MC2R: variants seen among roughly 807,000 people sequenced by gnomAD.
MC2R encodes the protein melanocortin 2 receptor.
Under a neutral mutation model 9.8 loss-of-function variants are expected in MC2R, and 9 were observed. The ratio of observed to expected loss-of-function variants is 0.92; its 90% CI spans 0.55 to 1.60. The LOEUF (loss-of-function observed/expected upper bound fraction) is 1.60. Among genes scored for constraint, MC2R ranks in the 40% most tolerant of loss-of-function variants. The pLI is 0.00. For missense variants in MC2R, 370 were observed against 389.0 expected (o/e 0.95, Z 0.41); for synonymous variants, 185 against 154.7 (o/e 1.20, Z -1.45).
intron 1 of MC2R, among the ~76,000 whole-genome samples, chr18:13,910,928 G>T (rs750712439): frequency 2.0e-5 from 3 of 152,204 alleles, no homozygotes; most frequent in Non-Finnish European, 2.9e-5. Context: ...CCCATCATGG[G>T]TGAAAGCATC....
chr18:13,885,488 T>C lies in MC2R; in HGVS notation c.31A>G (p.Ile11Val), dbSNP rs1381637307. The change falls in exon 2 of 2, where the codon ATC becomes GTC. Residue 11 changes from isoleucine (I) to valine (V), a missense_variant. By Grantham distance (29) the Ile-to-Val change is conservative. Coordinates refer to ENST00000327606, the MANE Select transcript of MC2R (RefSeq NM_000529.2). MKHIINSYEN[I>V]NNTARNNSDC... Reference sequence around the variant, plus strand: ...GAATTATTTCTTGCTGTGTTGTTGATGTTTTCATACGAGTTGATAATGTGC... The same window carrying C: ...GAATTATTTCTTGCTGTGTTGTTGACGTTTTCATACGAGTTGATAATGTGC... 3 of 1,614,194 alleles carry C rather than the reference T, an allele frequency of 1.9e-6. No homozygotes were observed. In the South Asian group the frequency reaches 3.3e-5, roughly 18 times the overall value.
intron 1 of MC2R, among the ~76,000 whole-genome samples, chr18:13,912,977 A>C (rs1252726988): frequency 6.6e-6 from 1 of 152,084 alleles, no homozygotes; most frequent in African/African-American, 2.4e-5. Context: ...CGGTGTGATC[A>C]TCTTGCAGGC....
chr18:13,885,326 TACA>T lies in MC2R; in HGVS notation c.190_192del (p.Cys64del). On this transcript the variant is annotated inframe_deletion, in exon 2 of 2. Coordinates refer to ENST00000327606, the MANE Select transcript of MC2R (RefSeq NM_000529.2). ...CCCAGCATATCAGATATGGCCAAGC[TACA>T]GATGAAAAAGTACATGGGTGCCTGG... The T allele has an allele frequency of 6.2e-7, 1 of 1,614,180 alleles. No individual in the cohort carries two copies. Among genetic ancestry groups the T allele is most frequent in the Non-Finnish European group, 8.5e-7 (1 of 1,180,028 alleles).
At chr18:13,914,261 AG>A (rs2045463345) in intron 1 of MC2R, among the ~76,000 whole-genome samples, 1 of 152,074 alleles carries the variant, frequency 6.6e-6, no homozygotes. Flanking sequence ...AGGCAGGGTG[AG>A]GGCTCCCGTC....
intron 1 of MC2R, among the ~76,000 whole-genome samples, chr18:13,889,838 A>G (rs1320874262): frequency 6.6e-6 from 1 of 152,144 alleles, no homozygotes; most frequent in Non-Finnish European, 1.5e-5. Flanking sequence ...TGTTGACAAT[A>G]CAAGGGAGTC....
Position 13,885,663 on chromosome 18 carries a change from A to G in MC2R, c.-128-17T>C, listed in dbSNP as rs1458148984. 10 of 874,284 alleles carry G rather than the reference A, an allele frequency of 1.1e-5. No homozygotes were observed. Among genetic ancestry groups the G allele is most frequent in the Non-Finnish European group, 1.4e-5 (8 of 557,934 alleles). The allele number at this position is 874,284 out of a possible 1,614,324, so 54.2% of individuals were successfully genotyped here. A position where few individuals can be genotyped will look rare whatever the true frequency, so the allele number is the denominator to read the frequency against. On this transcript the variant is annotated splice_polypyrimidine_tract_variant and intron_variant, in intron 1 of 1. Transcript: ENST00000327606. ...CCCAATCACCTAAAAGGGAGTATAC[A>G]GAAATATTAGTTGCAAAGTACACTA...
chr18:13,894,124 A>G (rs1407588048), intron 1 of MC2R, among the ~76,000 whole-genome samples: 1 of 150,014 alleles, frequency 6.7e-6, no homozygotes, highest in African/African-American at 2.5e-5. Context: ...TGAGAAATAG[A>G]AGCATGTGTG....
Position 13,885,167 on chromosome 18 carries a change from T to C in MC2R, c.352A>G (p.Ile118Val), listed in dbSNP as rs201056125. The C allele has an allele frequency of 6.2e-7, 1 of 1,614,114 alleles. No individual in the cohort carries two copies. The highest frequency in any genetic ancestry group is 1.7e-5 in the Admixed American group (1 of 60,018). The change falls in exon 2 of 2, where the codon ATC becomes GTC. Residue 118 changes from isoleucine to valine, a missense_variant. Coordinates refer to ENST00000327606, the MANE Select transcript of MC2R (RefSeq NM_000529.2). ...SLFVLSLLGS[I>V]FSLSVIAADR... Reference sequence around the variant, plus strand: ...GCAGCAATCACAGACAGGCTGAAGATGGAGCCAAGCAGGGAGAGGACAAAC... The same window carrying C: ...GCAGCAATCACAGACAGGCTGAAGACGGAGCCAAGCAGGGAGAGGACAAAC...
chr18:13,903,243 G>A (rs1198831101), intron 1 of MC2R, among the ~76,000 whole-genome samples: 1 of 152,196 alleles, frequency 6.6e-6, no homozygotes, highest in Non-Finnish European at 1.5e-5. Flanking sequence ...CACTGTTGGT[G>A]AGAATGAAAA....
intron 1 of MC2R, among the ~76,000 whole-genome samples, chr18:13,905,913 G>A (rs2045411252): frequency 6.6e-6 from 1 of 152,062 alleles, no homozygotes; most frequent in South Asian, 2.1e-4. Context: ...AAAATTAGCT[G>A]GGCATGATGA....
chr18:13,909,164 A>C (rs1026204105), intron 1 of MC2R, among the ~76,000 whole-genome samples: 2 of 151,912 alleles, frequency 1.3e-5, no homozygotes, highest in East Asian at 1.9e-4. Context: ...GATGACCTTG[A>C]AATTTTTAAG....
Position 13,883,586 on chromosome 18 carries a change from C to T in MC2R, c.*1039G>A, listed in dbSNP as rs966371778. 3.6e-5 allele frequency: 3 copies of T among 82,668 alleles called. No individual in the cohort carries two copies. The highest frequency in any genetic ancestry group is 4.4e-5 in the Non-Finnish European group (2 of 45,036). 5.1% of individuals were successfully genotyped at this position (82,668 alleles called of 1,614,324 possible). A position where few individuals can be genotyped will look rare whatever the true frequency, so the allele number is the denominator to read the frequency against. On this transcript the variant is annotated 3_prime_UTR_variant, in exon 2 of 2. Coordinates refer to ENST00000327606, the MANE Select transcript of MC2R (RefSeq NM_000529.2). ...AAAGCATGGGGAAAATACACACACA[C>T]ACACACACACACACACACACACACA...
At chr18:13,890,535 T>A (rs1193228177) in intron 1 of MC2R, among the ~76,000 whole-genome samples, 2 of 152,170 alleles carry the variant, frequency 1.3e-5, no homozygotes, top group African/African-American at 2.4e-5. Context: ...CTGGGGCTGA[T>A]CTGCACGTGT....
Position 13,885,657 on chromosome 18 carries a change from G to C in MC2R, c.-128-11C>G. 2 of 953,892 alleles carry C rather than the reference G, an allele frequency of 2.1e-6. No homozygotes were observed. The highest frequency in any genetic ancestry group is 3.1e-5 in the South Asian group (2 of 63,860). The allele number at this position is 953,892 out of a possible 1,614,324, so 59.1% of individuals were successfully genotyped here. ...AAATCTCCCAATCACCTAAAAGGGA[G>C]TATACAGAAATATTAGTTGCAAAGT... On this transcript the variant is annotated splice_polypyrimidine_tract_variant and intron_variant, in intron 1 of 1. Coordinates refer to ENST00000327606, the MANE Select transcript of MC2R (RefSeq NM_000529.2).
At position 13,911,424 on chromosome 18, in the gene MC2R, G is replaced by A. The variant is rs75595414; in HGVS notation, c.-129+4064C>T. On this transcript the variant is annotated intron_variant, in intron 1 of 1. Coordinates refer to ENST00000327606, the MANE Select transcript of MC2R (RefSeq NM_000529.2). Reference sequence around the variant, plus strand: ...AAAAGCATAAACTAGTTTATAACTGGTTTAGTTAGCCAAACAAATGCCATG... The same window carrying A: ...AAAAGCATAAACTAGTTTATAACTGATTTAGTTAGCCAAACAAATGCCATG... 1.0e-2 allele frequency among the ~76,000 whole-genome samples: 1,518 copies of A among 152,296 alleles called. 24 individuals are homozygous for A. The highest frequency in any genetic ancestry group is 0.035 in the African/African-American group (1,448 of 41,554).
At position 13,884,488 on chromosome 18, in the gene MC2R, A is replaced by C. The variant is rs140906835; in HGVS notation, c.*137T>G. 28 of 952,248 alleles carry C rather than the reference A, an allele frequency of 2.9e-5. No individual in the cohort carries two copies. In the East Asian group the frequency reaches 6.0e-4, roughly 21 times the overall value. The allele number at this position is 952,248 out of a possible 1,614,324, so 59.0% of individuals were successfully genotyped here. On this transcript the variant is annotated 3_prime_UTR_variant, in exon 2 of 2. Transcript: ENST00000327606. The stretch of plus-strand genomic sequence containing the variant: ...CACATAGAACCTAGCTATTAGAAAC[A>C]CTAGCTGGTGGGATCATCCTTGCAT...
At chr18:13,907,343 C>G (rs898437678) in intron 1 of MC2R, among the ~76,000 whole-genome samples, 1 of 152,182 alleles carries the variant, frequency 6.6e-6, no homozygotes, top group African/African-American at 2.4e-5. Context: ...AACTAGGCCT[C>G]TATCTCTCAC....
At position 13,882,140 on chromosome 18, in the gene MC2R, C is replaced by T. The variant is rs573056489; in HGVS notation, c.*2485G>A. 1.8e-4 allele frequency: 27 copies of T among 152,292 alleles called. 1 individual carries two copies. Among genetic ancestry groups the T allele is most frequent in the Admixed American group, 1.3e-3 (20 of 15,300 alleles). 9.4% of individuals were successfully genotyped at this position (152,292 alleles called of 1,614,324 possible). On this transcript the variant is annotated 3_prime_UTR_variant, in exon 2 of 2. Coordinates refer to ENST00000327606, the MANE Select transcript of MC2R (RefSeq NM_000529.2). The stretch of plus-strand genomic sequence containing the variant: ...GCTATCTGGTCCAAGGCTAGGTCAT[C>T]GATAAAGCTGAACACTCACAGTATC...
intron 1 of MC2R, among the ~76,000 whole-genome samples, chr18:13,897,514 C>A (rs954643209): frequency 6.6e-6 from 1 of 152,120 alleles, no homozygotes; most frequent in Non-Finnish European, 1.5e-5. Flanking sequence ...GGGCGCACAA[C>A]CTACTGAGAT....
Sources: gnomAD v4.1 joint callset for allele counts (sites outside exome capture counted in the v4.1 genomes callset) on GRCh38, gnomAD v4.1.1 for gene constraint, MANE v1.5 for transcripts, NCBI Gene and HGNC (gene_info 2026-07-23, HGNC 2026-07-21) for gene names.